GNAO1: variants seen among roughly 807,000 people sequenced by gnomAD.
GNAO1 encodes guanine nucleotide-binding protein G(o) subunit alpha.
For synonymous variants in GNAO1, 164 were observed against 180.7 expected, an observed-to-expected ratio of 0.91 and a Z score of 0.74; for missense variants, 166 against 478.7, an observed-to-expected ratio of 0.35 and a Z score of 6.10.
Position 56,347,748 on chromosome 16 carries a change from C to G in GNAO1, c.724-3636C>G, listed in dbSNP as rs1396700435. 7 of 940,632 alleles carry G rather than the reference C, an allele frequency of 7.4e-6. No homozygotes were observed. In the South Asian group the frequency reaches 3.0e-4, roughly 40 times the overall value. The allele number at this position is 940,632 out of a possible 1,614,324, so 58.3% of individuals were successfully genotyped here. ...TGCAGCTCCGAGGCACCACTACTGT[C>G]CTCCCCTTCCCTCCCCACCCCTCCC... On this transcript the variant is annotated intron_variant, in intron 6 of 8. Transcript: ENST00000262493.
intron 3 of GNAO1, among the ~76,000 whole-genome samples, chr16:56,297,522 G>GGTGTGTGTGTGTGTGTGTGTGT: frequency 7.4e-6 from 1 of 134,330 alleles, no homozygotes. Context: ...TTGTCTAACT[G>GGTGTGTGTGTGTGTGTGTGTGT]GTGTGTGTGT....
At position 56,311,947 on chromosome 16, in the gene GNAO1, G is replaced by C. The variant is rs1008322185; in HGVS notation, c.304-16684G>C. Among the ~76,000 whole-genome samples, 20 of 152,168 alleles carry C rather than the reference G, an allele frequency of 1.3e-4. No individual in the cohort carries two copies. The highest frequency in any genetic ancestry group is 2.2e-4 in the Non-Finnish European group (15 of 68,028). Reference sequence around the variant, plus strand: ...CTACCAGCATCAACACGGTAATGCCGGTTCCCCTGGGTGGGCACCAGCCAA... The same window carrying C: ...CTACCAGCATCAACACGGTAATGCCCGTTCCCCTGGGTGGGCACCAGCCAA... On this transcript the variant is annotated intron_variant, in intron 3 of 8. Coordinates refer to ENST00000262493, the MANE Select transcript of GNAO1 (RefSeq NM_020988.3). The surrounding 1 kb of genome is among the most constrained non-coding windows in gnomAD (Gnocchi z 5.2).
intron 3 of GNAO1, among the ~76,000 whole-genome samples, chr16:56,321,690 AG>A (rs1187994050): frequency 1.3e-5 from 2 of 152,128 alleles, no homozygotes; most frequent in African/African-American, 4.8e-5. Context: ...AAGAGAAAAA[AG>A]CCACAAAGGC....
chr16:56,257,206 G>A (rs1035031265), intron 2 of GNAO1, among the ~76,000 whole-genome samples: 5 of 152,128 alleles, frequency 3.3e-5, no homozygotes, highest in African/African-American at 9.7e-5. Flanking sequence ...TCAGTTAGGA[G>A]CCCATTTATT....
intron 3 of GNAO1, among the ~76,000 whole-genome samples, chr16:56,288,698 C>G (rs2037198236): frequency 1.3e-5 from 2 of 152,130 alleles, no homozygotes; most frequent in Admixed American, 1.3e-4. Context: ...GTCAGGAGCT[C>G]AGGTAGCCTG....
intron 2 of GNAO1, among the ~76,000 whole-genome samples, chr16:56,197,146 T>C (rs2036240335): frequency 1.3e-5 from 2 of 152,216 alleles, no homozygotes. Context: ...TGGAGGTGAA[T>C]AGCAACCTAC....
chr16:56,352,580 C>G (rs2037934067), intron 7 of GNAO1: 1 of 152,280 alleles, frequency 6.6e-6, no homozygotes. Context: ...AGGCTTTGGG[C>G]ATGGGCTCAG....
chr16:56,355,793 C>T (rs1002269073), intron 8 of GNAO1: 3 of 152,222 alleles, frequency 2.0e-5, no homozygotes, highest in Non-Finnish European at 4.4e-5. Context: ...GGAGGGGACT[C>T]AAGTTCACCT....
Position 56,336,876 on chromosome 16 carries a change from C to A in GNAO1, c.723+16C>A, listed in dbSNP as rs757819174. On this transcript the variant is annotated intron_variant, in intron 6 of 8. Transcript: ENST00000262493. ...CGAAACCACGGTGAGTGGCCTGGGC[C>A]CCCCGGGCAGGGGGCAGCGCTGAGG... 1 of 1,603,778 alleles carries A rather than the reference C, an allele frequency of 6.2e-7. No homozygotes were observed. The highest frequency in any genetic ancestry group is 1.3e-5 in the African/African-American group (1 of 74,846).
At chr16:56,228,362 C>T (rs1175139089) in intron 2 of GNAO1, among the ~76,000 whole-genome samples, 2 of 150,960 alleles carry the variant, frequency 1.3e-5, no homozygotes, top group Non-Finnish European at 3.0e-5. Flanking sequence ...TGTGTATATG[C>T]ATATGTATGT....
chr16:56,218,964 A>G (rs1450429690), intron 2 of GNAO1, among the ~76,000 whole-genome samples: 2 of 152,276 alleles, frequency 1.3e-5, no homozygotes, highest in South Asian at 2.1e-4. Context: ...ATGCACCCAC[A>G]CATTTTTTAA....
intron 3 of GNAO1, among the ~76,000 whole-genome samples, chr16:56,297,689 G>T (rs2037301794): frequency 6.6e-6 from 1 of 152,002 alleles, no homozygotes; most frequent in Non-Finnish European, 1.5e-5. Flanking sequence ...GGAAATTCTG[G>T]GTTAGTCAGC....
At chr16:56,294,561 T>G (rs1596847558) in intron 3 of GNAO1, among the ~76,000 whole-genome samples, 2 of 152,306 alleles carry the variant, frequency 1.3e-5, no homozygotes, top group Admixed American at 1.3e-4. Flanking sequence ...CTCTTATGAA[T>G]AATGCTGCCA....
chr16:56,218,589 G>A (rs1354291218), intron 2 of GNAO1, among the ~76,000 whole-genome samples: 1 of 152,174 alleles, frequency 6.6e-6, no homozygotes, highest in Non-Finnish European at 1.5e-5. Context: ...GAGCTTGACA[G>A]CAACCCGCTG....
intron 3 of GNAO1, among the ~76,000 whole-genome samples, chr16:56,298,570 C>T (rs2037310244): frequency 6.6e-6 from 1 of 152,080 alleles, no homozygotes; most frequent in African/African-American, 2.4e-5. Flanking sequence ...CTCATGACTG[C>T]CCAGATATTA....
intron 4 of GNAO1, among the ~76,000 whole-genome samples, chr16:56,330,300 C>T (rs746600895): frequency 4.5e-4 from 68 of 152,274 alleles, no homozygotes; most frequent in Non-Finnish European, 4.9e-4. Flanking sequence ...AGCTGCCCTC[C>T]TCCCTTCTTC....
chr16:56,256,318 G>A (rs571569753), intron 2 of GNAO1, among the ~76,000 whole-genome samples: 1 of 152,158 alleles, frequency 6.6e-6, no homozygotes, highest in Non-Finnish European at 1.5e-5. Flanking sequence ...TCTGACCTGG[G>A]TCAATCAGGC....
intron 2 of GNAO1, among the ~76,000 whole-genome samples, chr16:56,210,739 G>A (rs1596798450): frequency 6.6e-6 from 1 of 152,144 alleles, no homozygotes. Context: ...TCTGTTAAGG[G>A]CTTTGGCCCA....
rs1297376433 is a variant in GNAO1, at chr16:56,356,397, A to G, written c.*323A>G. The G allele has an allele frequency of 1.3e-5, 2 of 152,516 alleles. No homozygotes were observed. Among genetic ancestry groups the G allele is most frequent in the Admixed American group, 1.3e-4 (2 of 15,288 alleles). The allele number at this position is 152,516 out of a possible 1,614,324, so 9.4% of individuals were successfully genotyped here. ...TTGCAAAACAAACATACCCATCTGC[A>G]CCGACGCCTGCCCCCGTCCCACCTC... On this transcript the variant is annotated 3_prime_UTR_variant, in exon 9 of 9. Transcript: ENST00000262493.
Sources: gnomAD v4.1 joint callset for allele counts (sites outside exome capture counted in the v4.1 genomes callset) on GRCh38, gnomAD v4.1.1 for gene constraint, Gnocchi (gnomAD v3.1) non-coding constraint, MANE v1.5 for transcripts, NCBI Gene and HGNC (gene_info 2026-07-23, HGNC 2026-07-21) for gene names.